The following PCDH15 variants were observed in gnomAD, a reference collection of about 807,000 sequenced individuals.
PCDH15 encodes the protein protocadherin related 15.
PCDH15 carries 129 observed loss-of-function variants against 178.5 expected under a neutral mutation model. The observed-to-expected ratio is 0.72, with a 90% CI of 0.63 to 0.84. The LOEUF is 0.84. PCDH15 is among the 40% of genes least tolerant of loss of function. The pLI is 0.00. For missense variants in PCDH15, 2,230 were observed against 2,099.9 expected (o/e 1.06, Z -1.21); for synonymous variants, 800 against 732.0 (o/e 1.09, Z -1.50).
intron 2 of PCDH15, among the ~76,000 whole-genome samples, chr10:55,358,011 T>C (rs1252820682): frequency 6.6e-6 from 1 of 152,060 alleles, no homozygotes; most frequent in Non-Finnish European, 1.5e-5. Context: ...AGAAGAATAT[T>C]AGCATAAAGC....
intron 26 of PCDH15, among the ~76,000 whole-genome samples, chr10:53,873,190 C>T (rs1294666716): frequency 6.6e-6 from 1 of 152,164 alleles, no homozygotes; most frequent in African/African-American, 2.4e-5. Context: ...TCTGTAATTC[C>T]TTACTTTACA....
intron 2 of PCDH15, among the ~76,000 whole-genome samples, chr10:55,473,920 T>C (rs1345055176): frequency 6.6e-6 from 1 of 152,184 alleles, no homozygotes; most frequent in African/African-American, 2.4e-5. Flanking sequence ...TTAGATATAA[T>C]TGTTAAACCT....
chr10:55,556,670 GA>G (rs200592926), intron 2 of PCDH15, among the ~76,000 whole-genome samples: 13 of 150,480 alleles, frequency 8.6e-5, no homozygotes, highest in African/African-American at 3.2e-4. Context: ...GTCCCGCAAA[GA>G]AAAAAAAAGG....
chr10:53,996,437 T>C (rs2091853269), intron 20 of PCDH15, among the ~76,000 whole-genome samples: 1 of 152,188 alleles, frequency 6.6e-6, no homozygotes, highest in East Asian at 1.9e-4. Context: ...ATTGTCAAGT[T>C]CATTAAATAA....
chr10:54,653,299 T>C (rs11004433), intron 2 of PCDH15, among the ~76,000 whole-genome samples: 26,077 of 152,154 alleles, frequency 0.17, 2,458 homozygotes, highest in African/African-American at 0.25. Flanking sequence ...ATTCATAATA[T>C]TCCTATAATG....
intron 2 of PCDH15, among the ~76,000 whole-genome samples, chr10:54,897,685 G>T (rs2131822165): frequency 6.6e-6 from 1 of 152,194 alleles, no homozygotes; most frequent in African/African-American, 2.4e-5. Context: ...TAATATATGT[G>T]TGTACCATTA....
At chr10:54,262,703 G>T in intron 8 of PCDH15, among the ~76,000 whole-genome samples, 1 of 99,220 alleles carries the variant, frequency 1.0e-5, no homozygotes, top group South Asian at 3.1e-4. Context: ...AGAAGAATGT[G>T]GTATGGGTTC....
At chr10:54,258,189 C>T (rs1040295030) in intron 8 of PCDH15, among the ~76,000 whole-genome samples, 3 of 151,956 alleles carry the variant, frequency 2.0e-5, no homozygotes, top group Non-Finnish European at 2.9e-5. Flanking sequence ...CCTGTATAGC[C>T]AAAGGGAAGC....
rs184372102 is a variant in PCDH15, at chr10:55,390,788, G to A, written c.-155-224137C>T. On this transcript the variant is annotated intron_variant, in intron 2 of 5. Coordinates refer to the PCDH15 transcript ENST00000613346. ...TCCATCAGAGCTCTTGGGTGACCAG[G>A]TGCATTGTCAATGAGCAGTAGTAAT... Among the ~76,000 whole-genome samples the A allele has an allele frequency of 1.6e-4, 25 of 152,304 alleles. 1 individual carries two copies. The highest frequency in any genetic ancestry group is 5.8e-4 in the African/African-American group (24 of 41,580).
chr10:54,740,965 G>A (rs1944723613), intron 1 of PCDH15, among the ~76,000 whole-genome samples: 1 of 151,688 alleles, frequency 6.6e-6, no homozygotes, highest in African/African-American at 2.4e-5. Context: ...AACACAGCAG[G>A]AGTATAGCTA....
chr10:55,078,534 G>A (rs1212110348), intron 2 of PCDH15, among the ~76,000 whole-genome samples: 1 of 151,804 alleles, frequency 6.6e-6, no homozygotes, highest in African/African-American at 2.4e-5. Flanking sequence ...ATTTTTGACT[G>A]ACTGGGTTAT....
At position 55,347,736 on chromosome 10, in the gene PCDH15, G is replaced by T. The variant is rs1350864124; in HGVS notation, c.-155-181085C>A. On this transcript the variant is annotated intron_variant, in intron 2 of 5. Coordinates refer to the PCDH15 transcript ENST00000613346. ...CTACACATGAAATTGAAGGGTCAAAGTCTTTGTTTTATATATTTTAAACAA... is the reference window on the plus strand; with the variant it reads ...CTACACATGAAATTGAAGGGTCAAATTCTTTGTTTTATATATTTTAAACAA... Among the ~76,000 whole-genome samples the T allele has an allele frequency of 2.0e-5, 3 of 152,222 alleles. No homozygotes were observed. In the East Asian group the frequency reaches 5.8e-4, roughly 29 times the overall value.
chr10:55,474,747 G>A (rs1443025748), intron 2 of PCDH15, among the ~76,000 whole-genome samples: 1 of 152,148 alleles, frequency 6.6e-6, no homozygotes, highest in Non-Finnish European at 1.5e-5. Context: ...TTAGGCTCAA[G>A]TCAGGATCAG....
intron 3 of PCDH15, among the ~76,000 whole-genome samples, chr10:54,516,417 A>G (rs1230085438): frequency 2.0e-5 from 3 of 152,152 alleles, no homozygotes; most frequent in Non-Finnish European, 2.9e-5. Context: ...AAGAATGCAG[A>G]AGCCTCAGGA....
intron 21 of PCDH15, among the ~76,000 whole-genome samples, chr10:53,987,556 T>G: frequency 6.6e-6 from 1 of 152,236 alleles, no homozygotes; most frequent in Middle Eastern, 3.4e-3. Flanking sequence ...TGACTAATTC[T>G]TCAAAGAAAA....
At chr10:53,932,183 T>C (rs1331446807) in intron 25 of PCDH15, among the ~76,000 whole-genome samples, 1 of 152,228 alleles carries the variant, frequency 6.6e-6, no homozygotes, top group Admixed American at 6.5e-5. Context: ...TGTCATTTTA[T>C]AGGAATTCTG....
chr10:54,608,839 G>GA (rs936350977), intron 2 of PCDH15, among the ~76,000 whole-genome samples: 10 of 149,756 alleles, frequency 6.7e-5, no homozygotes, highest in South Asian at 2.1e-4. Context: ...GAAGAAATGA[G>GA]AAAAAAAAAT....
chr10:54,968,986 C>T (rs1462528534), intron 2 of PCDH15, among the ~76,000 whole-genome samples: 2 of 151,942 alleles, frequency 1.3e-5, no homozygotes, highest in Non-Finnish European at 2.9e-5. Context: ...TTATCATGCT[C>T]ATAATTTATC....
At chr10:54,643,384 A>G (rs1246657331) in intron 2 of PCDH15, among the ~76,000 whole-genome samples, 1 of 152,238 alleles carries the variant, frequency 6.6e-6, no homozygotes, top group East Asian at 1.9e-4. Flanking sequence ...AAGTGAAAGC[A>G]AAGATATGTT....
Sources: gnomAD v4.1 joint callset for allele counts (sites outside exome capture counted in the v4.1 genomes callset) on GRCh38, gnomAD v4.1.1 for gene constraint, MANE v1.5 for transcripts, NCBI Gene and HGNC (gene_info 2026-07-23, HGNC 2026-07-21) for gene names.